The following ATG4C variants were observed in gnomAD, a reference collection of about 807,000 sequenced individuals.
The protein encoded by ATG4C is autophagy related 4C cysteine peptidase.
ATG4C carries 56 observed loss-of-function variants against 57.6 expected under a neutral mutation model. The ratio of observed to expected loss-of-function variants is 0.97; its 90% CI spans 0.78 to 1.21. ATG4C has a LOEUF of 1.21. Among genes scored for constraint, ATG4C ranks in the 50% most tolerant of loss-of-function variants. The probability of loss-of-function intolerance (pLI) is 0.00; values close to 1 mark genes in which losing one functional copy is unlikely to be tolerated. For synonymous variants in ATG4C, 157 were observed against 174.1 expected, an observed-to-expected ratio of 0.90 and a Z score of 0.78; for missense variants, 595 against 529.8, an observed-to-expected ratio of 1.12 and a Z score of -1.21.
chr1:62,805,142 GTTTTC>G (rs753214535), intron 2 of ATG4C, 25 bp from the exon 3 acceptor site: 43 of 1,499,326 alleles, frequency 2.9e-5, no homozygotes, highest in Middle Eastern at 3.7e-4. Flanking sequence ...ATTACAAAAC[GTTTTC>G]TTTTCTTTTT....
chr1:62,789,216 CTT>C (rs906368553), intron 1 of ATG4C, among the ~76,000 whole-genome samples: 20 of 152,238 alleles, frequency 1.3e-4, no homozygotes, highest in African/African-American at 4.8e-4. Flanking sequence ...AGAGCTTTCT[CTT>C]TTTTATTTTA....
chr1:62,834,117 G>T lies in ATG4C; in HGVS notation c.1012+1G>T. On this transcript the variant is annotated splice_donor_variant, in intron 8 of 10. Coordinates refer to ENST00000317868, the MANE Select transcript of ATG4C (RefSeq NM_032852.4). LOFTEE classifies it high-confidence loss of function. ...TCATATTACTTTGCTGGATTTCAAG[G>T]TTAGTGATTTAGTAAAATATATTTC... 6.2e-7 allele frequency: 1 copy of T among 1,610,506 alleles called. No homozygotes were observed. The highest frequency in any genetic ancestry group is 1.1e-5 in the South Asian group (1 of 90,700).
chr1:62,800,902 C>A (rs191244501), intron 1 of ATG4C, among the ~76,000 whole-genome samples: 1 of 152,068 alleles, frequency 6.6e-6, no homozygotes, highest in African/African-American at 2.4e-5. Context: ...TTAGAGAGGG[C>A]AGTCAGGAAA....
intron 3 of ATG4C, among the ~76,000 whole-genome samples, chr1:62,809,669 A>C (rs957920742): frequency 1.3e-5 from 2 of 149,162 alleles, no homozygotes; most frequent in Non-Finnish European, 1.5e-5. Flanking sequence ...ATGTGTGAAG[A>C]TGTATCAGGA....
In ATG4C at chr1:62,813,641, C is replaced by G. The variant is rs576950849; in HGVS notation, c.161-2934C>G. Among the ~76,000 whole-genome samples, 15 of 152,248 alleles carry G rather than the reference C, an allele frequency of 9.9e-5. No homozygotes were observed. The East Asian group carries it at 2.7e-3, about 27-fold the overall frequency. On this transcript the variant is annotated intron_variant, in intron 3 of 10. Coordinates refer to ENST00000317868, the MANE Select transcript of ATG4C (RefSeq NM_032852.4). ...AAGAGCTTCTGCACAGCAAAAGAAACTATCATCAGAGTAAATAGGCAACCT... is the reference window on the plus strand; with the variant it reads ...AAGAGCTTCTGCACAGCAAAAGAAAGTATCATCAGAGTAAATAGGCAACCT...
intron 1 of ATG4C, among the ~76,000 whole-genome samples, chr1:62,798,154 A>G (rs1330496531): frequency 6.6e-6 from 1 of 152,206 alleles, no homozygotes; most frequent in Admixed American, 6.5e-5. Context: ...AGATTTAAAA[A>G]ATAATTTAAA....
chr1:62,842,277 G>A (rs72917293), intron 10 of ATG4C, among the ~76,000 whole-genome samples: 7,698 of 150,152 alleles, frequency 0.051, 668 homozygotes, highest in African/African-American at 0.18. Context: ...TGGTATGTAA[G>A]ACCAATACTC....
chr1:62,852,419 T>G (rs1666544017), intron 10 of ATG4C, among the ~76,000 whole-genome samples: 1 of 152,206 alleles, frequency 6.6e-6, no homozygotes, highest in Non-Finnish European at 1.5e-5. Context: ...CAAAATGACA[T>G]TATTTGGGAA....
At chr1:62,789,105 G>A (rs1281209553) in intron 1 of ATG4C, among the ~76,000 whole-genome samples, 1 of 152,114 alleles carries the variant, frequency 6.6e-6, no homozygotes, top group Non-Finnish European at 1.5e-5. Flanking sequence ...TTCCTATCCA[G>A]TGATTTTAGT....
At chr1:62,838,287 A>G (rs1666057038) in intron 9 of ATG4C, among the ~76,000 whole-genome samples, 1 of 152,212 alleles carries the variant, frequency 6.6e-6, no homozygotes, top group Non-Finnish European at 1.5e-5. Context: ...TTTGTCAAGT[A>G]GATGCTACTC....
chr1:62,785,439 A>G (rs905062285), intron 1 of ATG4C, among the ~76,000 whole-genome samples: 2 of 152,228 alleles, frequency 1.3e-5, no homozygotes, highest in Non-Finnish European at 2.9e-5. Flanking sequence ...TTTAGCAAAA[A>G]GTCATTAAAA....
At chr1:62,810,377 C>T (rs1665042448) in intron 3 of ATG4C, among the ~76,000 whole-genome samples, 1 of 152,136 alleles carries the variant, frequency 6.6e-6, no homozygotes, top group Admixed American at 6.5e-5. Flanking sequence ...TACTGCTCTG[C>T]CTTGGTCAAG....
chr1:62,810,603 C>T (rs1392121607), intron 3 of ATG4C, among the ~76,000 whole-genome samples: 1 of 152,128 alleles, frequency 6.6e-6, no homozygotes, highest in Non-Finnish European at 1.5e-5. Flanking sequence ...TTCAACAAAA[C>T]CACATAAATC....
chr1:62,829,293 C>G lies in ATG4C; in HGVS notation c.933+117C>G, dbSNP rs545704058. 34 of 1,191,770 alleles carry G rather than the reference C, an allele frequency of 2.9e-5. 1 individual carries two copies. In the South Asian group the frequency reaches 4.6e-4, roughly 16 times the overall value. The allele number at this position is 1,191,770 out of a possible 1,614,324, so 73.8% of individuals were successfully genotyped here. A position where few individuals can be genotyped will look rare whatever the true frequency, so the allele number is the denominator to read the frequency against. On this transcript the variant is annotated intron_variant, in intron 7 of 10. Transcript: ENST00000317868. ...GATGATTTTGTAGTTGTACGTTGTA[C>G]GTTGTAAAGTTTGACATTAGAGATT...
chr1:62,798,648 T>A (rs1664551557), intron 1 of ATG4C, among the ~76,000 whole-genome samples: 1 of 151,836 alleles, frequency 6.6e-6, no homozygotes, highest in Admixed American at 6.6e-5. Context: ...TTTTAATATT[T>A]GTTTTTTTTT....
chr1:62,808,631 A>T (rs1168770944), intron 3 of ATG4C, among the ~76,000 whole-genome samples: 1 of 152,242 alleles, frequency 6.6e-6, no homozygotes, highest in Non-Finnish European at 1.5e-5. Context: ...AAACCAAAGG[A>T]AAGACATTTG....
intron 1 of ATG4C, among the ~76,000 whole-genome samples, chr1:62,802,356 C>T (rs958992863): frequency 6.6e-6 from 1 of 151,954 alleles, no homozygotes; most frequent in East Asian, 1.9e-4. Flanking sequence ...GGATCTGTAA[C>T]CTCTTGAGTG....
intron 6 of ATG4C, among the ~76,000 whole-genome samples, chr1:62,825,857 C>T (rs1572137009): frequency 6.6e-6 from 1 of 152,132 alleles, no homozygotes; most frequent in East Asian, 1.9e-4. Flanking sequence ...TTTTTTCTCT[C>T]ACATCTTACA....
At chr1:62,856,296 A>G (rs1451964707) in intron 10 of ATG4C, among the ~76,000 whole-genome samples, 1 of 152,224 alleles carries the variant, frequency 6.6e-6, no homozygotes, top group Non-Finnish European at 1.5e-5. Context: ...GGATCTAATG[A>G]TAGAAACTCT....
Sources: allele counts gnomAD v4.1 joint callset (sites outside exome capture counted in the v4.1 genomes callset), GRCh38; gene constraint gnomAD v4.1.1; transcripts MANE v1.5; gene names NCBI Gene and HGNC (gene_info 2026-07-23, HGNC 2026-07-21).